Variants in LOC400499 observed in about 807,000 individuals in gnomAD.
At chr16:11,449,138 C>G in the LOC400499 span, 2 of 1,391,350 alleles carry the variant, frequency 1.4e-6, no homozygotes, top group Non-Finnish European at 1.9e-6. Context: ...GGACCAAGGC[C>G]TTTGCACACC....
At chr16:11,504,289 T>C in the LOC400499 span, among the ~76,000 whole-genome samples, 2 of 152,058 alleles carry the variant, frequency 1.3e-5, no homozygotes, top group African/African-American at 2.4e-5. Context: ...GGCGCGGTGG[T>C]TCACGCCTGT....
chr16:11,480,169 G>T, the LOC400499 span, among the ~76,000 whole-genome samples: 1 of 152,190 alleles, frequency 6.6e-6, no homozygotes, highest in Non-Finnish European at 1.5e-5. Flanking sequence ...AGTATCTGCT[G>T]CCATTCATCA....
the LOC400499 span, chr16:11,477,736 T>C: frequency 5.0e-6 from 2 of 397,196 alleles, no homozygotes; most frequent in African/African-American, 4.1e-5. Context: ...CTCTTACCCA[T>C]ACGGATGTCA....
the LOC400499 span, chr16:11,412,817 T>C: frequency 7.5e-6 from 3 of 398,918 alleles, no homozygotes; most frequent in African/African-American, 6.2e-5. Flanking sequence ...CCCCGACTCC[T>C]CTCCTCCTGG....
At chr16:11,431,831 T>G in the LOC400499 span, among the ~76,000 whole-genome samples, 2 of 152,186 alleles carry the variant, frequency 1.3e-5, no homozygotes. Flanking sequence ...CATTAACACG[T>G]GAGATCTATG....
the LOC400499 span, among the ~76,000 whole-genome samples, chr16:11,523,086 G>A: frequency 6.6e-6 from 1 of 152,128 alleles, no homozygotes; most frequent in Non-Finnish European, 1.5e-5. Flanking sequence ...TGTTCCCAAG[G>A]TTCTTTCATC....
the LOC400499 span, among the ~76,000 whole-genome samples, chr16:11,436,413 G>T: frequency 6.6e-6 from 1 of 152,066 alleles, no homozygotes; most frequent in African/African-American, 2.4e-5. Context: ...AGGGAGCAGT[G>T]GGGAGGGGAG....
the LOC400499 span, chr16:11,399,516 C>G: frequency 2.5e-6 from 1 of 398,632 alleles, no homozygotes; most frequent in Non-Finnish European, 4.4e-6. Context: ...CCCCAGGACA[C>G]GTTGAGCTGT....
chr16:11,470,665 C>G, the LOC400499 span: 1 of 152,230 alleles, frequency 6.6e-6, no homozygotes. Flanking sequence ...ACGCAGTGCC[C>G]GACCGCGTGG....
chr16:11,452,878 A>C, the LOC400499 span, among the ~76,000 whole-genome samples: 1 of 152,228 alleles, frequency 6.6e-6, no homozygotes, highest in African/African-American at 2.4e-5. Flanking sequence ...CTAATCTTTT[A>C]GGAAGCTCTG....
chr16:11,388,005 T>C, the LOC400499 span, among the ~76,000 whole-genome samples: 23 of 152,084 alleles, frequency 1.5e-4, no homozygotes, highest in African/African-American at 4.1e-4. Flanking sequence ...CCTGTGAGAT[T>C]TGAATGATCA....
the LOC400499 span, chr16:11,412,936 G>C: frequency 2.5e-6 from 1 of 399,034 alleles, no homozygotes; most frequent in African/African-American, 2.1e-5. Context: ...CTGCCTCCCA[G>C]AGTCCTTGGA....
the LOC400499 span, among the ~76,000 whole-genome samples, chr16:11,461,810 C>T: frequency 6.6e-6 from 1 of 152,212 alleles, no homozygotes; most frequent in Non-Finnish European, 1.5e-5. Context: ...AGCTCCAGCA[C>T]CAGGGCCAGC....
chr16:11,386,251 G>C, the LOC400499 span, among the ~76,000 whole-genome samples: 1 of 152,290 alleles, frequency 6.6e-6, no homozygotes, highest in African/African-American at 2.4e-5. Flanking sequence ...CTGTGGCTTG[G>C]GGGTGGGGGT....
At chr16:11,463,605 C>A in the LOC400499 span, among the ~76,000 whole-genome samples, 6 of 152,050 alleles carry the variant, frequency 3.9e-5, no homozygotes, top group Non-Finnish European at 8.8e-5. Context: ...TATATGGATG[C>A]ATGTATATGA....
chr16:11,425,667 G>C, the LOC400499 span, among the ~76,000 whole-genome samples: 1 of 152,118 alleles, frequency 6.6e-6, no homozygotes, highest in South Asian at 2.1e-4. Context: ...AATCTGAACA[G>C]CTCTATATTT....
chr16:11,517,844 G>A, the LOC400499 span, among the ~76,000 whole-genome samples: 1 of 152,178 alleles, frequency 6.6e-6, no homozygotes, highest in Non-Finnish European at 1.5e-5. Flanking sequence ...GGAGTTGGAA[G>A]ACAGAGATGC....
the LOC400499 span, among the ~76,000 whole-genome samples, chr16:11,517,516 T>A: frequency 6.6e-6 from 1 of 152,048 alleles, no homozygotes; most frequent in African/African-American, 2.4e-5. Context: ...AGCAATGTAG[T>A]GTTTTGCTCG....
At chr16:11,375,502 G>A in the LOC400499 span, among the ~76,000 whole-genome samples, 18 of 141,326 alleles carry the variant, frequency 1.3e-4, no homozygotes, top group Admixed American at 2.8e-4. Context: ...TAGTAGAGAC[G>A]TGGTGTCACC....
Sources: allele counts gnomAD v4.1 joint callset (sites outside exome capture counted in the v4.1 genomes callset), GRCh38; gene constraint gnomAD v4.1.1; transcripts MANE v1.5.